The following PTGS1 variants were observed in gnomAD, a reference collection of about 807,000 sequenced individuals.
PTGS1 encodes the protein prostaglandin G/H synthase 1.
PTGS1 carries 40 observed loss-of-function variants against 63.0 expected under a neutral mutation model. The observed-to-expected ratio is 0.63, with a 90% CI of 0.49 to 0.83. The LOEUF (loss-of-function observed/expected upper bound fraction) is 0.83. PTGS1 is among the 40% of genes least tolerant of loss of function. The probability of loss-of-function intolerance (pLI) is 0.00; values close to 1 mark genes in which losing one functional copy is unlikely to be tolerated. For synonymous variants in PTGS1, 298 were observed against 301.9 expected (o/e 0.99, Z 0.13); for missense variants, 709 against 786.5 (o/e 0.90, Z 1.18).
chr9:122,382,832 T>C (rs1243050729), intron 7 of PTGS1, among the ~76,000 whole-genome samples: 1 of 152,182 alleles, frequency 6.6e-6, no homozygotes, highest in Admixed American at 6.5e-5. Context: ...GGAGAAGCTG[T>C]GAGTGCCACT....
upstream of PTGS1, chr9:122,370,652 T>C (rs1836746826): frequency 3.5e-6 from 1 of 284,564 alleles, no homozygotes. Flanking sequence ...CCCTTTTCTG[T>C]AGAGTGCGTT....
rs1338620741 is a variant in PTGS1 at position 122,393,423 on chromosome 9, G to C, written c.*879G>C. The C allele has an allele frequency of 6.6e-6, 1 of 152,224 alleles. No individual in the cohort carries two copies. The highest frequency in any genetic ancestry group is 1.5e-5 in the Non-Finnish European group (1 of 68,052). The allele number at this position is 152,224 out of a possible 1,614,324, so 9.4% of individuals were successfully genotyped here. A position where few individuals can be genotyped will look rare whatever the true frequency, so the allele number is the denominator to read the frequency against. On this transcript the variant is annotated 3_prime_UTR_variant, in exon 11 of 11. Transcript: ENST00000362012. ...GTTGCAGCATGAGACTTTCTGCTGG[G>C]ATCCTTGGGCCCATCACTGTATAGA...
intron 5 of PTGS1, 144 bp downstream of exon 5, chr9:122,379,062 G>T: frequency 8.3e-7 from 1 of 1,211,528 alleles, no homozygotes. Flanking sequence ...TCCAGAGCCT[G>T]GGCTGAGAAC....
At chr9:122,389,975 A>C (rs1838104951) in intron 9 of PTGS1, among the ~76,000 whole-genome samples, 1 of 148,278 alleles carries the variant, frequency 6.7e-6, no homozygotes. Context: ...AAAAACCCAC[A>C]AAAAAAAAAT....
At chr9:122,381,768 A>G (rs372105748) in intron 7 of PTGS1, 21 bp downstream of exon 7, 2 of 1,604,642 alleles carry the variant, frequency 1.2e-6, no homozygotes, top group East Asian at 2.2e-5. Flanking sequence ...GCCAGGGGGT[A>G]GGGCAGAGGG....
chr9:122,373,979 G>A (rs562346487), intron 2 of PTGS1, among the ~76,000 whole-genome samples: 2 of 152,266 alleles, frequency 1.3e-5, no homozygotes, highest in South Asian at 4.1e-4. Flanking sequence ...CATCCTGGAG[G>A]ACTTGGTGTT....
chr9:122,370,935 G>GT, upstream of PTGS1: 1 of 1,304,108 alleles, frequency 7.7e-7, no homozygotes, highest in Admixed American at 2.1e-5. Context: ...GGCAGAGGAA[G>GT]TAAGCGGGCA....
At chr9:122,371,436 C>A (rs10306116) in intron 2 of PTGS1, among the ~76,000 whole-genome samples, 164 bp downstream of exon 2, 64 of 151,940 alleles carry the variant, frequency 4.2e-4, no homozygotes, top group Non-Finnish European at 7.9e-4. Flanking sequence ...TCCCTGAAGC[C>A]CCCCCGGCGG....
At chr9:122,377,348 A>G (rs1837226574) in intron 2 of PTGS1, among the ~76,000 whole-genome samples, 1 of 152,062 alleles carries the variant, frequency 6.6e-6, no homozygotes, top group Non-Finnish European at 1.5e-5. Flanking sequence ...ACATTATGAT[A>G]CCTGCTCTTC....
In PTGS1 at chr9:122,381,809, A is replaced by G. The variant is rs578211767; in HGVS notation, c.762+62A>G. 8 of 1,519,674 alleles carry G rather than the reference A, an allele frequency of 5.3e-6. 1 individual carries two copies. The highest frequency in any genetic ancestry group is 1.8e-4 in the Middle Eastern group (1 of 5,574). 94.1% of individuals were successfully genotyped at this position (1,519,674 alleles called of 1,614,324 possible). On this transcript the variant is annotated intron_variant, in intron 7 of 10. Transcript: ENST00000362012. ...TCTCCCATGGTCTTCCCTGGCAAAGACTGCTTGGGGCGGGGGTCTGGGTCA... is the reference window on the plus strand; with the variant it reads ...TCTCCCATGGTCTTCCCTGGCAAAGGCTGCTTGGGGCGGGGGTCTGGGTCA...
At chr9:122,371,130 G>T in intron 1 of PTGS1, 39 bp downstream of exon 1, 1 of 1,606,334 alleles carries the variant, frequency 6.2e-7, no homozygotes. Context: ...AATTTTCTTG[G>T]CCTCCTGGTG....
intron 2 of PTGS1, among the ~76,000 whole-genome samples, chr9:122,374,176 G>A (rs184788721): frequency 5.3e-5 from 8 of 152,294 alleles, no homozygotes; most frequent in Admixed American, 4.6e-4. Flanking sequence ...GGCATGCAGC[G>A]TGGTGTGCTG....
At chr9:122,388,935 C>A (rs1260698721) in intron 9 of PTGS1, among the ~76,000 whole-genome samples, 1 of 152,134 alleles carries the variant, frequency 6.6e-6, no homozygotes, top group Non-Finnish European at 1.5e-5. Context: ...GGCTTCAACA[C>A]ATATTTAATA....
intron 7 of PTGS1, among the ~76,000 whole-genome samples, chr9:122,382,096 C>T (rs1837564897): frequency 6.6e-6 from 1 of 152,158 alleles, no homozygotes; most frequent in Non-Finnish European, 1.5e-5. Context: ...TTAATGGGCC[C>T]TGCCCTCAAA....
chr9:122,378,257 C>T (rs561876530), intron 3 of PTGS1, among the ~76,000 whole-genome samples, 176 bp from the exon 4 acceptor site: 8 of 152,322 alleles, frequency 5.3e-5, no homozygotes, highest in African/African-American at 1.4e-4. Context: ...CCTGTCCTCA[C>T]GCCCGGTTCT....
In PTGS1 at chr9:122,392,916, A is replaced by G; in HGVS notation, c.*372A>G. The G allele has an allele frequency of 5.4e-6, 1 of 184,456 alleles. No individual in the cohort carries two copies. The highest frequency in any genetic ancestry group is 5.4e-5 in the Admixed American group (1 of 18,594). The allele number at this position is 184,456 out of a possible 1,614,324, so 11.4% of individuals were successfully genotyped here. On this transcript the variant is annotated 3_prime_UTR_variant, in exon 11 of 11. Transcript: ENST00000362012. ...TTAGGGGGTTCTTATTTTGCATTCCAGAATCTTGACTTTCTGATTGGTGAT... is the reference window on the plus strand; with the variant it reads ...TTAGGGGGTTCTTATTTTGCATTCCGGAATCTTGACTTTCTGATTGGTGAT...
chr9:122,385,106 C>A (rs1309211804), intron 8 of PTGS1, among the ~76,000 whole-genome samples: 1 of 152,060 alleles, frequency 6.6e-6, no homozygotes, highest in Non-Finnish European at 1.5e-5. Flanking sequence ...TACAGGTGCC[C>A]GCCACCATGC....
At chr9:122,372,983 G>T (rs1459988246) in intron 2 of PTGS1, among the ~76,000 whole-genome samples, 1 of 152,202 alleles carries the variant, frequency 6.6e-6, no homozygotes, top group African/African-American at 2.4e-5. Flanking sequence ...GGAAGCAGGG[G>T]TATAGGGAGC....
intron 2 of PTGS1, among the ~76,000 whole-genome samples, chr9:122,377,434 A>C (rs1837233026): frequency 3.3e-5 from 5 of 152,050 alleles, no homozygotes; most frequent in Admixed American, 2.6e-4. Context: ...GTCTGGGAGA[A>C]GTCCCCGTCC....
Sources: allele counts gnomAD v4.1 joint callset (sites outside exome capture counted in the v4.1 genomes callset), GRCh38; gene constraint gnomAD v4.1.1; transcripts MANE v1.5; gene names NCBI Gene and HGNC (gene_info 2026-07-23, HGNC 2026-07-21).